MIDEAS: variants seen among roughly 807,000 people sequenced by gnomAD.
MIDEAS encodes mitotic deacetylase-associated SANT domain protein.
In MIDEAS, 26 loss-of-function variants were observed where a neutral mutation model predicts 102.7. The observed-to-expected ratio is 0.25, with a 90% confidence interval of 0.19 to 0.35. The LOEUF (loss-of-function observed/expected upper bound fraction) is 0.35. Ranked by LOEUF, MIDEAS falls within the 10% of genes least tolerant of loss-of-function variation. The pLI, the probability that MIDEAS is intolerant of heterozygous loss-of-function variation, is 1.00. For missense variants in MIDEAS, 1,231 were observed against 1,435.6 expected, an observed-to-expected ratio of 0.86 and a Z score of 2.30; for synonymous variants, 585 against 591.0, an observed-to-expected ratio of 0.99 and a Z score of 0.15.
chr14:73,784,354 G>A (rs1306702823), intron 1 of MIDEAS, among the ~76,000 whole-genome samples: 1 of 152,218 alleles, frequency 6.6e-6, no homozygotes, highest in Non-Finnish European at 1.5e-5. Flanking sequence ...AGCTGAGCAA[G>A]CCAGGGAAAG....
intron 2 of MIDEAS, among the ~76,000 whole-genome samples, chr14:73,738,030 C>T (rs1485886267): frequency 3.9e-5 from 6 of 152,082 alleles, no homozygotes; most frequent in African/African-American, 1.2e-4. Flanking sequence ...GTGATCCACC[C>T]ACCTTGGCCT....
intron 1 of MIDEAS, among the ~76,000 whole-genome samples, chr14:73,740,544 A>G (rs1457673901): frequency 6.6e-6 from 1 of 152,144 alleles, no homozygotes; most frequent in Non-Finnish European, 1.5e-5. Context: ...TGTCTGTGTT[A>G]TTTGTGCACT....
intron 1 of MIDEAS, chr14:73,755,142 G>A (rs2053464290): frequency 6.6e-6 from 1 of 152,298 alleles, no homozygotes; most frequent in South Asian, 2.1e-4. Context: ...GAGAAAGGCA[G>A]AGGGAACAGG....
At position 73,719,308 on chromosome 14, in the gene MIDEAS, C is replaced by T. The variant is rs1425232999; in HGVS notation, c.3131G>A (p.Gly1044Asp). 1 of 1,613,036 alleles carries T rather than the reference C, an allele frequency of 6.2e-7. No individual in the cohort carries two copies. Among genetic ancestry groups the T allele is most frequent in the Non-Finnish European group, 8.5e-7 (1 of 1,179,644 alleles). Residue 1044 changes from glycine to aspartate, a missense_variant, in exon 12 of 13, where the codon GGC (glycine) becomes GAC (aspartate). Gly to Asp is a moderately conservative substitution (Grantham distance 94). Around this residue, in one of 5 missense-constraint regions of MIDEAS, gnomAD observed 391 missense variants for 483.0 expected, o/e 0.81. Coordinates refer to ENST00000423556, the MANE Select transcript of MIDEAS (RefSeq NM_001367710.1). ...GGGACAGCGCTGCCCACCTTACCTG[C>T]CACATTTTTTACAGGGGAAAGTGTT... is the stretch of plus-strand genomic sequence containing the variant. The part of the protein sequence containing the change: ...QENTFPCKKC[G>D]RVFYKVKSRS...
intron 12 of MIDEAS, 42 bp from the exon 13 acceptor site, chr14:73,719,050 C>T: frequency 6.9e-7 from 1 of 1,449,874 alleles, no homozygotes; most frequent in Non-Finnish European, 9.0e-7. Flanking sequence ...CCTAGCCCAC[C>T]CGGGGGCCCC....
chr14:73,756,492 C>G (rs1194397190), intron 1 of MIDEAS, among the ~76,000 whole-genome samples: 1 of 152,182 alleles, frequency 6.6e-6, no homozygotes, highest in Non-Finnish European at 1.5e-5. Flanking sequence ...CACCCTAGCC[C>G]CGGCCCAGCA....
At chr14:73,780,394 C>G (rs1271812973) in intron 1 of MIDEAS, among the ~76,000 whole-genome samples, 1 of 152,198 alleles carries the variant, frequency 6.6e-6, no homozygotes, top group Non-Finnish European at 1.5e-5. Flanking sequence ...GATCTGACTT[C>G]CCCAGTTATG....
In MIDEAS at chr14:73,766,507, G is replaced by A. The variant is rs78583229; in HGVS notation, c.-248+20595C>T. ...ATCAGGATGCATCTTACAATTGATA[G>A]CCTGTATAGTTTAATTAGCAGCACT... On this transcript the variant is annotated intron_variant, in intron 1 of 11. Transcript: ENST00000394071. Among the ~76,000 whole-genome samples, 1,305 of 151,996 alleles carry A rather than the reference G, an allele frequency of 8.6e-3. 22 individuals carry two copies. The highest frequency in any genetic ancestry group is 0.03 in the African/African-American group (1,227 of 41,474).
chr14:73,726,607 G>A lies in MIDEAS; in HGVS notation c.2406C>T (p.Ile802=). The A allele has an allele frequency of 6.2e-7, 1 of 1,613,980 alleles. No individual in the cohort carries two copies. The highest frequency in any genetic ancestry group is 8.5e-7 in the Non-Finnish European group (1 of 1,179,894). ...LHCLHESRGD[I]LETLNKLLLK... ...TCTGCTGGGGTTGCCTTCTCACCAG[G>A]ATGTCTCCTCTGGATTCGTGCAGAC... The change falls in exon 7 of 13, where the codon ATC becomes ATT. Residue 802 remains isoleucine (I), a synonymous_variant. Transcript: ENST00000423556.
At chr14:73,729,307 G>C (rs774697681) in intron 4 of MIDEAS, 7 of 237,296 alleles carry the variant, frequency 2.9e-5, no homozygotes, top group Non-Finnish European at 4.9e-5. Flanking sequence ...TCCAAAAATA[G>C]TTGAATATTG....
intron 1 of MIDEAS, among the ~76,000 whole-genome samples, chr14:73,776,295 C>T (rs140283039): frequency 6.6e-6 from 1 of 152,090 alleles, no homozygotes; most frequent in Non-Finnish European, 1.5e-5. Context: ...ATTCCAATTA[C>T]TAATGAAACA....
At position 73,742,814 on chromosome 14, in the gene MIDEAS, G is replaced by A. The variant is rs2053299875; in HGVS notation, c.-247-2559C>T. Reference sequence around the variant, plus strand: ...ATCGGCTGGGGGTGGGGAGAAGAGTGGAAGATACTGGCAGCCTGGGAGGAA... The same window carrying A: ...ATCGGCTGGGGGTGGGGAGAAGAGTAGAAGATACTGGCAGCCTGGGAGGAA... On this transcript the variant is annotated intron_variant, in intron 1 of 12. Transcript: ENST00000423556. The surrounding 1 kb of genome is among the most constrained non-coding windows in gnomAD (Gnocchi z 4.4). 6.6e-6 allele frequency among the ~76,000 whole-genome samples: 1 copy of A among 152,120 alleles called. No individual in the cohort carries two copies. Among genetic ancestry groups the A allele is most frequent in the South Asian group, 2.1e-4 (1 of 4,822 alleles).
At chr14:73,749,601 T>G (rs2053397500) in intron 1 of MIDEAS, among the ~76,000 whole-genome samples, 1 of 148,108 alleles carries the variant, frequency 6.8e-6, no homozygotes, top group Non-Finnish European at 1.5e-5. Context: ...AAAATATATA[T>G]ATGTATATTT....
rs895068350 is a variant in MIDEAS at position 73,736,936 on chromosome 14, A to G, written c.1749+62T>C. 3 of 1,503,994 alleles carry G rather than the reference A, an allele frequency of 2.0e-6. No homozygotes were observed. The East Asian group carries it at 6.8e-5, about 34-fold the overall frequency. 93.2% of individuals were successfully genotyped at this position (1,503,994 alleles called of 1,614,324 possible). A position where few individuals can be genotyped will look rare whatever the true frequency, so the allele number is the denominator to read the frequency against. On this transcript the variant is annotated intron_variant, in intron 3 of 12. Coordinates refer to ENST00000423556, the MANE Select transcript of MIDEAS (RefSeq NM_001367710.1). ...CATTGCCATGTTCTCCTTTCCCCAT[A>G]GGGTCCTGGGCCCCCTGAGCACTCA...
In MIDEAS at chr14:73,716,421, T is replaced by C. The variant is rs1329421726; in HGVS notation, c.*2422A>G. 2 of 152,064 alleles carry C rather than the reference T, an allele frequency of 1.3e-5. No homozygotes were observed. Among genetic ancestry groups the C allele is most frequent in the African/African-American group, 4.8e-5 (2 of 41,370 alleles). The allele number at this position is 152,064 out of a possible 1,614,324, so 9.4% of individuals were successfully genotyped here. ...CAGGCACGGTGGTTCACGCCTGTAA[T>C]GCCAGCACTTTGGGAGGCCGAGGCG... is the stretch of plus-strand genomic sequence containing the variant. On this transcript the variant is annotated 3_prime_UTR_variant, in exon 13 of 13. Transcript: ENST00000423556.
upstream of MIDEAS, among the ~76,000 whole-genome samples, chr14:73,760,648 T>G (rs1446823832): frequency 2.0e-5 from 3 of 152,238 alleles, no homozygotes; most frequent in African/African-American, 4.8e-5. The surrounding 1 kb of genome is among the most constrained non-coding windows in gnomAD (Gnocchi z 4.8). Flanking sequence ...TCTCTGGTTT[T>G]GGATACGGTA....
At chr14:73,782,212 C>T (rs2053763647) in intron 1 of MIDEAS, among the ~76,000 whole-genome samples, 1 of 152,128 alleles carries the variant, frequency 6.6e-6, no homozygotes, top group Admixed American at 6.5e-5. Flanking sequence ...CAACACAGTC[C>T]TCCTAGCCAA....
At chr14:73,767,217 G>A (rs1012887747) in intron 1 of MIDEAS, among the ~76,000 whole-genome samples, 2 of 152,134 alleles carry the variant, frequency 1.3e-5, no homozygotes, top group East Asian at 3.9e-4. Flanking sequence ...TAGGTTCAGT[G>A]GTGTATGGTA....
chr14:73,773,274 A>C (rs2053658387), intron 1 of MIDEAS, among the ~76,000 whole-genome samples: 1 of 151,898 alleles, frequency 6.6e-6, no homozygotes, highest in Admixed American at 6.6e-5. Flanking sequence ...CCAGCTCCTC[A>C]GCGTCCCTGC....
Sources: gnomAD v4.1 joint callset for allele counts (sites outside exome capture counted in the v4.1 genomes callset) on GRCh38, gnomAD v4.1.1 for gene constraint, gnomAD v4.1.1 regional missense constraint, Gnocchi (gnomAD v3.1) non-coding constraint, MANE v1.5 for transcripts, NCBI Gene and HGNC (gene_info 2026-07-23, HGNC 2026-07-21) for gene names.